Variants in DAG1 observed in about 807,000 individuals in gnomAD.
DAG1 encodes the protein dystroglycan 1, also known as dystroglycan 1 (dystrophin-associated glycoprotein 1).
DAG1 carries 8 observed loss-of-function variants against 46.1 expected under a neutral mutation model. The ratio of observed to expected loss-of-function variants is 0.17; its 90% CI spans 0.10 to 0.31. The LOEUF is 0.31. Ranked by LOEUF, DAG1 falls within the 10% of genes least tolerant of loss-of-function variation. The probability of loss-of-function intolerance (pLI) is 1.00; values close to 1 mark genes in which losing one functional copy is unlikely to be tolerated. For synonymous variants in DAG1, 495 were observed against 481.8 expected, an observed-to-expected ratio of 1.03 and a Z score of -0.36; for missense variants, 1,003 against 1,189.9, an observed-to-expected ratio of 0.84 and a Z score of 2.31.
At chr3:49,517,627 T>C (rs2050931925) in intron 2 of DAG1, among the ~76,000 whole-genome samples, 1 of 152,166 alleles carries the variant, frequency 6.6e-6, no homozygotes. Flanking sequence ...AGTAAATGGC[T>C]GGTTTACAGT....
rs2051484207 is a variant in DAG1 at position 49,535,435 on chromosome 3, TC to T, written c.*2240del. On this transcript the variant is annotated 3_prime_UTR_variant, in exon 3 of 3. Coordinates refer to ENST00000308775, the MANE Select transcript of DAG1 (RefSeq NM_004393.6). ...AACAATGCCTTTGCAGGCAGCCTGC[TC>T]CCCTGAGCGCTGGGCTGGTGATGGT... is the stretch of plus-strand genomic sequence containing the variant. The T allele has an allele frequency of 6.5e-6, 1 of 152,672 alleles. No individual in the cohort carries two copies. Among genetic ancestry groups the T allele is most frequent in the African/African-American group, 2.4e-5 (1 of 41,462 alleles). The allele number at this position is 152,672 out of a possible 1,614,324, so 9.5% of individuals were successfully genotyped here.
intron 1 of DAG1, among the ~76,000 whole-genome samples, chr3:49,477,228 G>A (rs951382375): frequency 6.6e-6 from 1 of 152,088 alleles, no homozygotes; most frequent in Non-Finnish European, 1.5e-5. Context: ...AACTCCCGAC[G>A]TCAGGTGATC....
At chr3:49,471,386 G>A (rs1283820792) in intron 1 of DAG1, among the ~76,000 whole-genome samples, 3 of 152,158 alleles carry the variant, frequency 2.0e-5, no homozygotes, top group Non-Finnish European at 4.4e-5. Context: ...TGTAGATGGG[G>A]TATTGCAGTT....
rs745935295 is a variant in DAG1 at position 49,532,155 on chromosome 3, G to A, written c.1644G>A (p.Glu548=). ...LKLREQQLVG[E]KSWVQFNSNS... ...TGCGGGAGCAGCAGCTGGTGGGCGA[G>A]AAGTCCTGGGTACAGTTCAACAGCA... Residue 548 remains glutamate, a synonymous_variant, in exon 3 of 3, where the codon GAG becomes GAA. Transcript: ENST00000308775. The surrounding 1 kb of genome is among the most constrained non-coding windows in gnomAD (Gnocchi z 5.4). The A allele has an allele frequency of 5.6e-6, 9 of 1,614,130 alleles. No individual in the cohort carries two copies. Among genetic ancestry groups the A allele is most frequent in the Non-Finnish European group, 6.8e-6 (8 of 1,180,054 alleles).
chr3:49,481,258 G>A (rs1442560506), intron 1 of DAG1, among the ~76,000 whole-genome samples: 4 of 150,696 alleles, frequency 2.7e-5, no homozygotes, highest in Non-Finnish European at 4.4e-5. Context: ...TTAGCCGGGC[G>A]TAGTGTTAGG....
chr3:49,493,577 TGAG>T (rs927676205), intron 1 of DAG1, among the ~76,000 whole-genome samples: 1 of 152,146 alleles, frequency 6.6e-6, no homozygotes, highest in African/African-American at 2.4e-5. Flanking sequence ...CTTGAAGTTT[TGAG>T]GAGGAGGAAA....
chr3:49,490,310 G>A (rs1212480903), intron 1 of DAG1, among the ~76,000 whole-genome samples: 2 of 150,880 alleles, frequency 1.3e-5, no homozygotes, highest in East Asian at 1.9e-4. Context: ...CCGAGATCGC[G>A]CCACTGCCCT....
chr3:49,487,733 T>A (rs2050075888), intron 1 of DAG1, among the ~76,000 whole-genome samples: 1 of 144,692 alleles, frequency 6.9e-6, no homozygotes, highest in Non-Finnish European at 1.5e-5. Flanking sequence ...GGGATCGTGC[T>A]CTGTCACCCA....
chr3:49,522,011 G>A lies in DAG1; in HGVS notation c.286-8786G>A, dbSNP rs539637794. Among the ~76,000 whole-genome samples the A allele has an allele frequency of 3.4e-5, 5 of 147,746 alleles. No individual in the cohort carries two copies. In the South Asian group the frequency reaches 1.1e-3, roughly 33 times the overall value. On this transcript the variant is annotated intron_variant, in intron 2 of 2. Coordinates refer to ENST00000308775, the MANE Select transcript of DAG1 (RefSeq NM_004393.6). Reference sequence around the variant, plus strand: ...ATTACAGGTGCGCACCAACATGCCCGGCTAATTTTCTTTTTACTTTATTTT... The same window carrying A: ...ATTACAGGTGCGCACCAACATGCCCAGCTAATTTTCTTTTTACTTTATTTT...
chr3:49,478,787 C>T (rs982436029), intron 1 of DAG1, among the ~76,000 whole-genome samples: 13 of 127,554 alleles, frequency 1.0e-4, no homozygotes, highest in Admixed American at 8.1e-5. Context: ...TGAAAAGTCT[C>T]TTGTCGTCCC....
At chr3:49,512,615 C>T (rs917777064) in intron 2 of DAG1, among the ~76,000 whole-genome samples, 6 of 149,776 alleles carry the variant, frequency 4.0e-5, no homozygotes, top group African/African-American at 1.5e-4. Context: ...TGGTCTCAAA[C>T]TCCTTATCTC....
At chr3:49,505,981 CTTT>C (rs71080528) in intron 1 of DAG1, among the ~76,000 whole-genome samples, 7 of 128,046 alleles carry the variant, frequency 5.5e-5, no homozygotes, top group Admixed American at 8.1e-5. Flanking sequence ...ATTTTTTTTT[CTTT>C]TTTTTTTTTT....
intron 1 of DAG1, among the ~76,000 whole-genome samples, chr3:49,492,038 T>C (rs1418671424): frequency 2.0e-5 from 3 of 152,132 alleles, no homozygotes; most frequent in Non-Finnish European, 4.4e-5. Context: ...GCAATTCTTC[T>C]GCCTCAGCCT....
At chr3:49,478,140 G>A (rs1431179650) in intron 1 of DAG1, among the ~76,000 whole-genome samples, 11 of 151,716 alleles carry the variant, frequency 7.3e-5, no homozygotes, top group East Asian at 5.8e-4. Context: ...GGTGGTGTGC[G>A]CCTGTAATCC....
intron 2 of DAG1, 52 bp from the exon 3 acceptor site, chr3:49,530,745 C>T: frequency 6.2e-7 from 1 of 1,613,108 alleles, no homozygotes; most frequent in Non-Finnish European, 8.5e-7. Flanking sequence ...TGATCATATT[C>T]AGGTTATGCA....
At chr3:49,475,529 C>A (rs2049658481) in intron 1 of DAG1, among the ~76,000 whole-genome samples, 1 of 151,506 alleles carries the variant, frequency 6.6e-6, no homozygotes. Context: ...TTCAGCCTCC[C>A]AAGTAGCTGG....
intron 1 of DAG1, among the ~76,000 whole-genome samples, chr3:49,494,266 A>G (rs748786185): frequency 4.6e-5 from 7 of 152,176 alleles, no homozygotes; most frequent in Non-Finnish European, 8.8e-5. Context: ...CTAGATAAAT[A>G]TTCTGCAGTG....
At chr3:49,475,821 G>A (rs1412862852) in intron 1 of DAG1, among the ~76,000 whole-genome samples, 2 of 150,260 alleles carry the variant, frequency 1.3e-5, no homozygotes, top group East Asian at 3.9e-4. Context: ...CTCCTGCCTC[G>A]GCCTCCCGAG....
intron 2 of DAG1, among the ~76,000 whole-genome samples, chr3:49,517,501 C>A (rs935067502): frequency 6.6e-6 from 1 of 152,186 alleles, no homozygotes; most frequent in African/African-American, 2.4e-5. Flanking sequence ...CTGGGTATGC[C>A]TTGACATGGA....
Sources: gnomAD v4.1 joint callset for allele counts (sites outside exome capture counted in the v4.1 genomes callset) on GRCh38, gnomAD v4.1.1 for gene constraint, Gnocchi (gnomAD v3.1) non-coding constraint, MANE v1.5 for transcripts, NCBI Gene and HGNC (gene_info 2026-07-23, HGNC 2026-07-21) for gene names.